VWA8: variants seen among roughly 807,000 people sequenced by gnomAD.
VWA8 encodes von Willebrand factor A domain containing 8.
VWA8 carries 221 observed loss-of-function variants against 241.5 expected under a neutral mutation model. That is an observed-to-expected ratio of 0.91 (90% CI 0.82 to 1.02). The LOEUF (loss-of-function observed/expected upper bound fraction) is 1.02. VWA8 is among the 50% of genes least tolerant of loss of function. The pLI, the probability that VWA8 is intolerant of heterozygous loss-of-function variation, is 0.00. For missense variants in VWA8, 2,322 were observed against 2,328.7 expected (o/e 1.00, Z 0.06); for synonymous variants, 852 against 827.1 (o/e 1.03, Z -0.52).
chr13:41,647,991 GA>G (rs111815070), intron 37 of VWA8, among the ~76,000 whole-genome samples: 41 of 141,482 alleles, frequency 2.9e-4, no homozygotes, highest in South Asian at 4.5e-4. Flanking sequence ...TTTGTCTCAG[GA>G]AAAAAAAAAA....
At chr13:41,722,645 T>C (rs1010820627) in intron 24 of VWA8, among the ~76,000 whole-genome samples, 1 of 152,160 alleles carries the variant, frequency 6.6e-6, no homozygotes, top group African/African-American at 2.4e-5. Flanking sequence ...CCCTCATTCA[T>C]TTACTCATCA....
At chr13:41,712,149 G>T (rs961642496) in intron 26 of VWA8, among the ~76,000 whole-genome samples, 1 of 152,074 alleles carries the variant, frequency 6.6e-6, no homozygotes, top group African/African-American at 2.4e-5. Context: ...CTAAAATACA[G>T]TTAGGTAGAA....
intron 44 of VWA8, among the ~76,000 whole-genome samples, chr13:41,568,824 C>T (rs1463186439): frequency 1.3e-5 from 2 of 152,100 alleles, no homozygotes; most frequent in African/African-American, 4.8e-5. Flanking sequence ...ATGTGAAATG[C>T]GATCTGGATT....
intron 44 of VWA8, among the ~76,000 whole-genome samples, chr13:41,568,994 T>C (rs2044282042): frequency 6.6e-6 from 1 of 151,060 alleles, no homozygotes; most frequent in African/African-American, 2.5e-5. Flanking sequence ...TAAATACTAA[T>C]TTATAATTTG....
intron 27 of VWA8, among the ~76,000 whole-genome samples, chr13:41,702,924 T>G (rs1026022425): frequency 3.3e-5 from 5 of 152,310 alleles, no homozygotes; most frequent in African/African-American, 1.2e-4. Flanking sequence ...GAGGGACTTC[T>G]ATTACAACTA....
At chr13:41,784,785 A>G (rs576853501) in intron 18 of VWA8, among the ~76,000 whole-genome samples, 47 of 138,932 alleles carry the variant, frequency 3.4e-4, no homozygotes, top group African/African-American at 1.2e-3. Flanking sequence ...CTAAAACATA[A>G]CAAAATAAAT....
intron 40 of VWA8, among the ~76,000 whole-genome samples, chr13:41,602,062 G>T (rs1484791286): frequency 2.0e-5 from 3 of 152,066 alleles, no homozygotes; most frequent in African/African-American, 7.2e-5. Context: ...AAGGTTCCTT[G>T]CTTTGTTTTC....
chr13:41,913,410 C>T (rs1876104022), intron 2 of VWA8, among the ~76,000 whole-genome samples: 1 of 152,182 alleles, frequency 6.6e-6, no homozygotes, highest in Non-Finnish European at 1.5e-5. Flanking sequence ...TACAGACAGA[C>T]ACAGACATCT....
chr13:41,841,741 C>T (rs1292463831), intron 12 of VWA8, among the ~76,000 whole-genome samples: 31 of 125,092 alleles, frequency 2.5e-4, no homozygotes, highest in African/African-American at 5.9e-4. Context: ...GCCGAGATCG[C>T]GCCACTGCAC....
At position 41,590,733 on chromosome 13, in the gene VWA8, A is replaced by G. The variant is rs747306042; in HGVS notation, c.5019T>C (p.His1673=). Residue 1673 remains histidine, a synonymous_variant, in exon 41 of 45, where the codon CAT becomes CAC. Transcript: ENST00000379310. ...AKGKERQWLR[H]QATGELDDAK... Reference sequence around the variant, plus strand: ...CATCATCTAATTCTCCAGTAGCTTGATGTCTTAGCCATTGTCTTTCTTTAC... The same window carrying G: ...CATCATCTAATTCTCCAGTAGCTTGGTGTCTTAGCCATTGTCTTTCTTTAC... 14 of 1,614,090 alleles carry G rather than the reference A, an allele frequency of 8.7e-6. No homozygotes were observed. The highest frequency in any genetic ancestry group is 1.2e-5 in the Non-Finnish European group (14 of 1,179,994).
At chr13:41,791,092 T>G (rs995457895) in intron 17 of VWA8, among the ~76,000 whole-genome samples, 1 of 151,788 alleles carries the variant, frequency 6.6e-6, no homozygotes, top group African/African-American at 2.4e-5. Context: ...CAATTCCTTT[T>G]CACTGATTCA....
chr13:41,699,878 A>G (rs1161604950), intron 28 of VWA8, among the ~76,000 whole-genome samples: 3 of 152,088 alleles, frequency 2.0e-5, no homozygotes, highest in Admixed American at 6.5e-5. Context: ...GCTTCTTCAA[A>G]TTTCAAGTGC....
intron 19 of VWA8, among the ~76,000 whole-genome samples, chr13:41,779,737 C>T (rs962601418): frequency 6.6e-6 from 1 of 152,102 alleles, no homozygotes; most frequent in Non-Finnish European, 1.5e-5. Context: ...GGCTAATCTA[C>T]GTTGAAAAGT....
At position 41,570,463 on chromosome 13, in the gene VWA8, C is replaced by G; in HGVS notation, c.5609+5G>C. The G allele has an allele frequency of 6.2e-7, 1 of 1,612,854 alleles. No homozygotes were observed. Among genetic ancestry groups the G allele is most frequent in the Non-Finnish European group, 8.5e-7 (1 of 1,178,854 alleles). On this transcript the variant is annotated splice_donor_5th_base_variant and intron_variant, in intron 44 of 44. Transcript: ENST00000379310. ...CCCTTTTCTGTATGCTCAGATGACACTTACCTGGTTGCTTGATCACCTAAA... is the reference window on the plus strand; with the variant it reads ...CCCTTTTCTGTATGCTCAGATGACAGTTACCTGGTTGCTTGATCACCTAAA...
chr13:41,932,176 A>T (rs545995851), intron 2 of VWA8, among the ~76,000 whole-genome samples: 9 of 148,756 alleles, frequency 6.1e-5, no homozygotes, highest in Middle Eastern at 3.4e-3. Context: ...GGATATTGTT[A>T]AAAAAAAAAC....
intron 38 of VWA8, among the ~76,000 whole-genome samples, chr13:41,613,976 G>A (rs1449764618): frequency 6.6e-6 from 1 of 152,168 alleles, no homozygotes; most frequent in African/African-American, 2.4e-5. Context: ...TTCAAGTTTG[G>A]TAACAAATAG....
At chr13:41,953,893 G>A (rs74053433) in intron 1 of VWA8, among the ~76,000 whole-genome samples, 9,773 of 152,206 alleles carry the variant, frequency 0.064, 398 homozygotes, top group East Asian at 0.12. Context: ...CTGGAAATCA[G>A]TAACAAAAAG....
chr13:41,847,492 T>G (rs1299865333), intron 12 of VWA8, among the ~76,000 whole-genome samples: 2 of 152,122 alleles, frequency 1.3e-5, no homozygotes, highest in African/African-American at 4.8e-5. Context: ...AAGTACCCAG[T>G]GAGACTGAAA....
At position 41,575,839 on chromosome 13, in the gene VWA8, C is replaced by T. The variant is rs1566373487; in HGVS notation, c.5272-1G>A. On this transcript the variant is annotated splice_acceptor_variant, in intron 42 of 44. Transcript: ENST00000379310. LOFTEE classifies it high-confidence loss of function. Reference sequence around the variant, plus strand: ...CTCCAGAGTGTCCAACGATGTCATACTACATGCAAGAGAACCAGAAAGTTA... The same window carrying T: ...CTCCAGAGTGTCCAACGATGTCATATTACATGCAAGAGAACCAGAAAGTTA... 1.2e-6 allele frequency: 2 copies of T among 1,606,362 alleles called. No individual in the cohort carries two copies. Among genetic ancestry groups the T allele is most frequent in the South Asian group, 2.2e-5 (2 of 89,572 alleles).
Sources: gnomAD v4.1 joint callset for allele counts (sites outside exome capture counted in the v4.1 genomes callset) on GRCh38, gnomAD v4.1.1 for gene constraint, MANE v1.5 for transcripts, NCBI Gene and HGNC (gene_info 2026-07-23, HGNC 2026-07-21) for gene names.